The following BAZ2B variants were observed in gnomAD, a reference collection of about 807,000 sequenced individuals.
BAZ2B encodes bromodomain adjacent to zinc finger domain 2B.
In BAZ2B, 91 loss-of-function variants were observed where a neutral mutation model predicts 246.0. The ratio of observed to expected loss-of-function variants is 0.37; its 90% CI spans 0.31 to 0.44. The LOEUF (loss-of-function observed/expected upper bound fraction) is 0.44, where lower values mean the gene tolerates loss of function less well. BAZ2B is among the 20% of genes least tolerant of loss of function. BAZ2B has a pLI of 1.00. For synonymous variants in BAZ2B, 855 were observed against 860.0 expected, an observed-to-expected ratio of 0.99 and a Z score of 0.10; for missense variants, 2,332 against 2,533.7, an observed-to-expected ratio of 0.92 and a Z score of 1.71.
chr2:159,371,647 A>T (rs1265529779), intron 27 of BAZ2B, among the ~76,000 whole-genome samples: 1 of 152,098 alleles, frequency 6.6e-6, no homozygotes, highest in African/African-American at 2.4e-5. Flanking sequence ...TTTCTTTACT[A>T]CTTCTTCCAA....
At chr2:159,624,770 T>C in the BAZ2B span, among the ~76,000 whole-genome samples, 1 of 152,128 alleles carries the variant, frequency 6.6e-6, no homozygotes. Flanking sequence ...AGAATGCCTC[T>C]TCTCCTCCAA....
chr2:159,338,408 T>C (rs1443392160), intron 31 of BAZ2B, among the ~76,000 whole-genome samples: 5 of 152,218 alleles, frequency 3.3e-5, no homozygotes, highest in East Asian at 1.9e-4. Flanking sequence ...TGTAATTTTA[T>C]AGTAGTGTAA....
At chr2:159,482,061 T>C (rs1054560488) in intron 2 of BAZ2B, among the ~76,000 whole-genome samples, 2 of 151,436 alleles carry the variant, frequency 1.3e-5, no homozygotes, top group African/African-American at 4.9e-5. Flanking sequence ...GGAAGCTGGA[T>C]GAAAAATATA....
the BAZ2B span, among the ~76,000 whole-genome samples, chr2:159,701,639 A>C: frequency 2.5e-4 from 37 of 147,974 alleles, no homozygotes; most frequent in Middle Eastern, 3.6e-3. Context: ...ATATATGTAT[A>C]TATAATATAT....
At chr2:159,382,918 C>T (rs1414926024) in intron 24 of BAZ2B, 116 bp from the exon 25 acceptor site, 6 of 1,334,678 alleles carry the variant, frequency 4.5e-6, no homozygotes, top group East Asian at 2.4e-5. Context: ...TTGTGTTAAG[C>T]GATATACCAA....
At chr2:159,494,693 T>C (rs924074523) in intron 2 of BAZ2B, among the ~76,000 whole-genome samples, 10 of 152,238 alleles carry the variant, frequency 6.6e-5, no homozygotes, top group African/African-American at 2.4e-4. Flanking sequence ...TTTTATTCTA[T>C]ATACTCAACT....
chr2:159,700,825 T>G, the BAZ2B span, among the ~76,000 whole-genome samples: 1 of 150,498 alleles, frequency 6.6e-6, no homozygotes, highest in Non-Finnish European at 1.5e-5. Context: ...ATGTGGGACA[T>G]GCAGATGAAT....
chr2:159,639,090 A>G, the BAZ2B span, among the ~76,000 whole-genome samples: 2 of 152,292 alleles, frequency 1.3e-5, no homozygotes, highest in South Asian at 2.1e-4. Context: ...AGAGAGTAGC[A>G]TAACATATTT....
intron 20 of BAZ2B, chr2:159,392,298 T>C (rs1159975330): frequency 6.6e-6 from 1 of 152,136 alleles, no homozygotes; most frequent in Non-Finnish European, 1.5e-5. Flanking sequence ...ATGCCATACC[T>C]ACTGTCTAGA....
the BAZ2B span, among the ~76,000 whole-genome samples, chr2:159,628,733 GC>G: frequency 6.6e-6 from 1 of 152,142 alleles, no homozygotes; most frequent in African/African-American, 2.4e-5. Flanking sequence ...GAAAACCTAG[GC>G]AATACCATTC....
intron 1 of BAZ2B, among the ~76,000 whole-genome samples, chr2:159,559,112 C>T (rs543637572): frequency 2.0e-5 from 3 of 152,144 alleles, no homozygotes; most frequent in East Asian, 3.9e-4. Context: ...TGGTGGCACA[C>T]GCCTGTAGTC....
the BAZ2B span, among the ~76,000 whole-genome samples, chr2:159,639,150 C>G: frequency 6.6e-6 from 1 of 151,828 alleles, no homozygotes; most frequent in Non-Finnish European, 1.5e-5. Context: ...ACAACAACAA[C>G]AAAAACCACT....
chr2:159,437,083 C>T (rs1370762660), intron 8 of BAZ2B, among the ~76,000 whole-genome samples: 12 of 152,108 alleles, frequency 7.9e-5, no homozygotes, highest in Admixed American at 2.0e-4. Flanking sequence ...AATAAGTTAA[C>T]GTATGTTCAG....
chr2:159,535,004 T>C (rs2085794629), intron 2 of BAZ2B, among the ~76,000 whole-genome samples: 1 of 152,174 alleles, frequency 6.6e-6, no homozygotes, highest in African/African-American at 2.4e-5. Flanking sequence ...ACTTGTCTTA[T>C]TTCTTCCATT....
the BAZ2B span, among the ~76,000 whole-genome samples, chr2:159,699,908 T>G: frequency 6.6e-6 from 1 of 152,336 alleles, no homozygotes; most frequent in East Asian, 1.9e-4. Context: ...AGCTACTCTC[T>G]GCTTTCAAGA....
At chr2:159,575,752 T>A (rs1381628440) in intron 1 of BAZ2B, among the ~76,000 whole-genome samples, 1 of 152,170 alleles carries the variant, frequency 6.6e-6, no homozygotes, top group Non-Finnish European at 1.5e-5. Context: ...ATGTACTCCA[T>A]TAACATGATT....
chr2:159,707,915 T>A, the BAZ2B span, among the ~76,000 whole-genome samples: 1 of 152,182 alleles, frequency 6.6e-6, no homozygotes, highest in African/African-American at 2.4e-5. Flanking sequence ...CACTTGAACC[T>A]GGGAGGTGGA....
intron 2 of BAZ2B, among the ~76,000 whole-genome samples, chr2:159,487,371 TG>T (rs1277992471): frequency 6.6e-6 from 1 of 152,164 alleles, no homozygotes; most frequent in Non-Finnish European, 1.5e-5. Context: ...AAGGTCCCAG[TG>T]CTTTTTTAAA....
At chr2:159,621,720 C>T in the BAZ2B span, among the ~76,000 whole-genome samples, 1 of 152,188 alleles carries the variant, frequency 6.6e-6, no homozygotes, top group Non-Finnish European at 1.5e-5. Flanking sequence ...GCCTGTAATC[C>T]CAGCACTTTG....
Sources: gnomAD v4.1 joint callset for allele counts (sites outside exome capture counted in the v4.1 genomes callset) on GRCh38, gnomAD v4.1.1 for gene constraint, MANE v1.5 for transcripts, NCBI Gene and HGNC (gene_info 2026-07-23, HGNC 2026-07-21) for gene names.